Variants in EMP2 observed in about 807,000 individuals in gnomAD.
EMP2 encodes epithelial membrane protein 2.
A neutral mutation model predicts 13.7 loss-of-function variants in EMP2; 19 were observed. That is an observed-to-expected ratio of 1.38 (90% CI 0.97 to 2.03). The LOEUF is 2.03. EMP2 is among the 30% of genes most tolerant of loss of function. EMP2 has a pLI of 0.00. For synonymous variants in EMP2, 97 were observed against 84.7 expected (o/e 1.15, Z -0.80); for missense variants, 253 against 220.7 (o/e 1.15, Z -0.93).
intron 2 of EMP2, chr16:10,545,275 G>A (rs533909971): frequency 7.2e-5 from 11 of 152,210 alleles, no homozygotes; most frequent in East Asian, 1.9e-4. Flanking sequence ...AAGAACATTC[G>A]GTCCCATTTA....
chr16:10,559,718 A>T (rs2050858526), intron 1 of EMP2, among the ~76,000 whole-genome samples: 1 of 152,206 alleles, frequency 6.6e-6, no homozygotes, highest in Non-Finnish European at 1.5e-5. Flanking sequence ...TGTGTTGCCC[A>T]GGCTAGAGTG....
Position 10,532,837 on chromosome 16 carries a change from A to T in EMP2, c.*68T>A. 4.7e-6 allele frequency: 5 copies of T among 1,059,548 alleles called. No individual in the cohort carries two copies. The highest frequency in any genetic ancestry group is 6.0e-6 in the Non-Finnish European group (5 of 834,464). The allele number at this position is 1,059,548 out of a possible 1,614,324, so 65.6% of individuals were successfully genotyped here. A position where few individuals can be genotyped will look rare whatever the true frequency, so the allele number is the denominator to read the frequency against. ...GCTAGAAAAACCTCAAAAAATAATG[A>T]TTATATACAAAATGGTTATCTGAAT... On this transcript the variant is annotated 3_prime_UTR_variant, in exon 5 of 5. Transcript: ENST00000359543.
chr16:10,552,014 T>G (rs1294460733), intron 1 of EMP2, among the ~76,000 whole-genome samples: 1 of 152,202 alleles, frequency 6.6e-6, no homozygotes, highest in Non-Finnish European at 1.5e-5. Context: ...TGAACCAGCT[T>G]GGAGATTCTT....
chr16:10,567,343 T>A (rs1013497327), intron 1 of EMP2, among the ~76,000 whole-genome samples: 2 of 152,174 alleles, frequency 1.3e-5, no homozygotes, highest in Admixed American at 1.3e-4. Context: ...CCTCAAGCCT[T>A]GAGATGACAA....
Position 10,543,649 on chromosome 16 carries a change from T to G in EMP2, c.90A>C (p.Val30=). 1 of 1,614,074 alleles carries G rather than the reference T, an allele frequency of 6.2e-7. No individual in the cohort carries two copies. Among genetic ancestry groups the G allele is most frequent in the Non-Finnish European group, 8.5e-7 (1 of 1,179,918 alleles). Residue 30 remains valine (V), a synonymous_variant, in exon 3 of 5, where the codon GTA becomes GTC. Coordinates refer to ENST00000359543, the MANE Select transcript of EMP2 (RefSeq NM_001424.6). ...FIATVDNAWW[V]GDEFFADVWR... is the part of the protein sequence containing the mutation. ...AGACATCTGCAAAAAACTCATCTCC[T>G]ACCCACCAGGCCTGTAACACAAAAT...
chr16:10,558,336 A>G (rs2050847631), intron 1 of EMP2, among the ~76,000 whole-genome samples: 1 of 152,168 alleles, frequency 6.6e-6, no homozygotes. Context: ...TGGAGTTTCA[A>G]GTTCTACAGT....
chr16:10,537,193 A>ACTT (rs2142170149), intron 4 of EMP2, among the ~76,000 whole-genome samples: 1 of 152,332 alleles, frequency 6.6e-6, no homozygotes, highest in East Asian at 1.9e-4. Context: ...AAAGCTTTAA[A>ACTT]TCGTCACTGA....
At chr16:10,538,103 T>C in intron 3 of EMP2, 29 bp from the exon 4 acceptor site, 1 of 1,608,966 alleles carries the variant, frequency 6.2e-7, no homozygotes, top group Non-Finnish European at 8.5e-7. Flanking sequence ...GGCGCAGGAC[T>C]GAGGACCTTG....
Position 10,532,293 on chromosome 16 carries a change from T to C in EMP2, c.*612A>G, listed in dbSNP as rs547956892. 1.3e-5 allele frequency: 2 copies of C among 154,136 alleles called. No individual in the cohort carries two copies. The highest frequency in any genetic ancestry group is 4.1e-4 in the South Asian group (2 of 4,876). 9.5% of individuals were successfully genotyped at this position (154,136 alleles called of 1,614,324 possible). ...CATTCCTAAGGCAAGCAGGTGACACTGTCGGCAAATTGAGGTGAGACTTTT... is the reference window on the plus strand; with the variant it reads ...CATTCCTAAGGCAAGCAGGTGACACCGTCGGCAAATTGAGGTGAGACTTTT... On this transcript the variant is annotated 3_prime_UTR_variant, in exon 5 of 5. Transcript: ENST00000359543.
At chr16:10,538,428 G>A (rs373290286) in intron 3 of EMP2, among the ~76,000 whole-genome samples, 1 of 152,190 alleles carries the variant, frequency 6.6e-6, no homozygotes, top group African/African-American at 2.4e-5. Context: ...GGTAGATTGT[G>A]ACTCAAGAAA....
chr16:10,579,045 C>G (rs905524797), intron 1 of EMP2, among the ~76,000 whole-genome samples: 6 of 152,218 alleles, frequency 3.9e-5, no homozygotes, highest in African/African-American at 9.7e-5. Context: ...CTTGAGCAAA[C>G]CGACTTAGAT....
At chr16:10,559,296 G>C (rs1422249339) in intron 1 of EMP2, 1 of 152,398 alleles carries the variant, frequency 6.6e-6, no homozygotes. Flanking sequence ...CTAGTATCTG[G>C]ACACCAGCCA....
intron 3 of EMP2, among the ~76,000 whole-genome samples, chr16:10,542,036 A>G (rs527512696): frequency 6.6e-6 from 1 of 152,270 alleles, no homozygotes; most frequent in South Asian, 2.1e-4. Context: ...TTGCTCCCTA[A>G]TAGGATTGTC....
At chr16:10,537,828 T>C (rs2050660868) in intron 4 of EMP2, 100 bp downstream of exon 4, 1 of 1,523,954 alleles carries the variant, frequency 6.6e-7, no homozygotes, top group Non-Finnish European at 8.9e-7. Context: ...CAATTTCTCC[T>C]TTCCAAATTC....
At chr16:10,551,548 A>T (rs2050788345) in intron 1 of EMP2, among the ~76,000 whole-genome samples, 1 of 152,104 alleles carries the variant, frequency 6.6e-6, no homozygotes, top group African/African-American at 2.4e-5. Context: ...CTGGGACTAC[A>T]GGCACGTGCT....
At chr16:10,543,786 T>C (rs146910910) in intron 2 of EMP2, 126 bp from the exon 3 acceptor site, 354 of 860,212 alleles carry the variant, frequency 4.1e-4, no homozygotes, top group Admixed American at 6.6e-4. Flanking sequence ...GAGAATTGCC[T>C]GAGGAGCTTA....
intron 1 of EMP2, among the ~76,000 whole-genome samples, chr16:10,560,765 G>T (rs2050865640): frequency 6.6e-6 from 1 of 152,154 alleles, no homozygotes; most frequent in African/African-American, 2.4e-5. Flanking sequence ...TGGGCGGAGT[G>T]GTGGGGAGAG....
At chr16:10,569,727 A>T (rs1368999106) in intron 1 of EMP2, among the ~76,000 whole-genome samples, 1 of 152,244 alleles carries the variant, frequency 6.6e-6, no homozygotes, top group Admixed American at 6.5e-5. Flanking sequence ...TACAGTCTTT[A>T]ACATCGCCTG....
At chr16:10,539,976 G>A (rs190426822) in intron 3 of EMP2, among the ~76,000 whole-genome samples, 162 of 152,198 alleles carry the variant, frequency 1.1e-3, no homozygotes, top group African/African-American at 3.7e-3. Context: ...TCCTGGAGTG[G>A]GCACCAGGAA....
Sources: allele counts gnomAD v4.1 joint callset (sites outside exome capture counted in the v4.1 genomes callset), GRCh38; gene constraint gnomAD v4.1.1; transcripts MANE v1.5; gene names NCBI Gene and HGNC (gene_info 2026-07-23, HGNC 2026-07-21).